ZBTB8OS: variants seen among roughly 807,000 people sequenced by gnomAD.
ZBTB8OS encodes tRNA-splicing ligase-activating factor archease.
A neutral mutation model predicts 29.3 loss-of-function variants in ZBTB8OS; 16 were observed. The ratio of observed to expected loss-of-function variants is 0.55; its 90% CI spans 0.37 to 0.83. The LOEUF is 0.83. Among genes scored for constraint, ZBTB8OS ranks in the 40% least tolerant of loss-of-function variants. The pLI, the probability that ZBTB8OS is intolerant of heterozygous loss-of-function variation, is 0.00. For synonymous variants in ZBTB8OS, 70 were observed against 64.6 expected, an observed-to-expected ratio of 1.08 and a Z score of -0.40; for missense variants, 160 against 196.9, an observed-to-expected ratio of 0.81 and a Z score of 1.12.
At chr1:32,630,424 G>A (rs1413810635) in intron 5 of ZBTB8OS, among the ~76,000 whole-genome samples, 6 of 151,940 alleles carry the variant, frequency 3.9e-5, no homozygotes, top group South Asian at 2.1e-4. Flanking sequence ...ATGGTAGTGC[G>A]CACCTGTAGT....
intron 5 of ZBTB8OS, 126 bp downstream of exon 5, chr1:32,631,701 T>G (rs1307134826): frequency 1.5e-6 from 1 of 670,760 alleles, no homozygotes. Context: ...TCCAAGCCCT[T>G]AGACATCCCA....
chr1:32,642,793 TG>T (rs1646513396), intron 1 of ZBTB8OS, among the ~76,000 whole-genome samples: 12 of 2,108 alleles, frequency 5.7e-3, no homozygotes, highest in African/African-American at 9.8e-3. Context: ...TTTTTTCAAA[TG>T]GAGTTTCCTC....
chr1:32,627,418 G>C, intron 6 of ZBTB8OS, 90 bp downstream of exon 6: 1 of 1,187,304 alleles, frequency 8.4e-7, no homozygotes, highest in South Asian at 1.3e-5. Flanking sequence ...CTTTACACCA[G>C]TTAGAACTAA....
chr1:32,626,081 C>T (rs762667505), intron 6 of ZBTB8OS, among the ~76,000 whole-genome samples: 9 of 152,208 alleles, frequency 5.9e-5, no homozygotes, highest in African/African-American at 9.6e-5. Flanking sequence ...CCACGTTGGC[C>T]GGGCTGGTCT....
Position 32,647,107 on chromosome 1 carries a change from G to C in ZBTB8OS, c.97+3326C>G, listed in dbSNP as rs1646907504. On this transcript the variant is annotated intron_variant, in intron 1 of 6. Transcript: ENST00000468695. ...GTGGTGGCTTACGCCTGTAATCCCA[G>C]CACTTCGGAGGCCGAGGCGGGCGGA... Among the ~76,000 whole-genome samples the C allele has an allele frequency of 3.8e-5, 5 of 131,462 alleles. No homozygotes were observed. The Admixed American group carries it at 4.2e-4, about 11-fold the overall frequency. The allele number at this position is 131,462 out of a possible 152,430, so 86.2% of individuals were successfully genotyped here.
At chr1:32,632,190 G>A in intron 4 of ZBTB8OS, 1 of 172,414 alleles carries the variant, frequency 5.8e-6, no homozygotes, top group Non-Finnish European at 1.2e-5. Flanking sequence ...TGTATTTTTA[G>A]TAGAGACGGG....
chr1:32,638,275 T>A (rs1646143088), intron 1 of ZBTB8OS, among the ~76,000 whole-genome samples: 1 of 135,984 alleles, frequency 7.4e-6, no homozygotes, highest in African/African-American at 2.8e-5. Context: ...TCGCTGCAAC[T>A]TCCACCTCCC....
chr1:32,626,998 GCTACTTTGGTGCTACAACAGAAGCA>G (rs1645174548), intron 6 of ZBTB8OS, among the ~76,000 whole-genome samples: 1 of 152,030 alleles, frequency 6.6e-6, no homozygotes, highest in African/African-American at 2.4e-5. Flanking sequence ...ATTATCTATG[GCTACTTTGGTGCTACAACAGAAGCA>G]CTGAGTAGCT....
intron 1 of ZBTB8OS, among the ~76,000 whole-genome samples, chr1:32,647,759 A>T (rs1646967610): frequency 6.6e-6 from 1 of 152,224 alleles, no homozygotes; most frequent in African/African-American, 2.4e-5. Context: ...ATCTAGTTAC[A>T]AGAAAACAAG....
At chr1:32,650,666 C>A, upstream of ZBTB8OS, 1 of 1,529,114 alleles carries the variant, frequency 6.5e-7, no homozygotes. Flanking sequence ...TGGCTGTTGA[C>A]CTACTTTAGT....
At chr1:32,647,266 CAAAAAAAAAA>C (rs71006348) in intron 1 of ZBTB8OS, among the ~76,000 whole-genome samples, 3 of 134,524 alleles carry the variant, frequency 2.2e-5, no homozygotes, top group Non-Finnish European at 3.1e-5. Flanking sequence ...TACTCTGTCT[CAAAAAAAAAA>C]AAAAAAAAAA....
intron 1 of ZBTB8OS, among the ~76,000 whole-genome samples, chr1:32,649,625 T>TGG (rs1647134222): frequency 1.5e-5 from 2 of 133,772 alleles, no homozygotes; most frequent in Non-Finnish European, 3.1e-5. Context: ...CGAGACCCCA[T>TGG]CTCTAAAAAC....
intron 6 of ZBTB8OS, among the ~76,000 whole-genome samples, chr1:32,625,906 T>C (rs1645095509): frequency 6.6e-6 from 1 of 152,006 alleles, no homozygotes; most frequent in African/African-American, 2.4e-5. Context: ...GTTTTGCTCT[T>C]GTCGCCCAGG....
rs746098983 is a variant in ZBTB8OS, at chr1:32,621,973, A to AC, written c.418-26_418-25insG. 9 of 1,496,866 alleles carry AC rather than the reference A, an allele frequency of 6.0e-6. 1 individual carries two copies. In the East Asian group the frequency reaches 1.6e-4, roughly 27 times the overall value. The allele number at this position is 1,496,866 out of a possible 1,614,324, so 92.7% of individuals were successfully genotyped here. A position where few individuals can be genotyped will look rare whatever the true frequency, so the allele number is the denominator to read the frequency against. On this transcript the variant is annotated intron_variant, in intron 6 of 6. Transcript: ENST00000468695. Reference sequence around the variant, plus strand: ...CCTAAAGTTGGGGTTAGAGAAAAAAAAAAAAAAAAGGAAAATAGGATATTG... The same window carrying AC: ...CCTAAAGTTGGGGTTAGAGAAAAAAACAAAAAAAAAGGAAAATAGGATATTG...
At chr1:32,630,335 C>T (rs968525226) in intron 5 of ZBTB8OS, among the ~76,000 whole-genome samples, 7 of 151,580 alleles carry the variant, frequency 4.6e-5, no homozygotes, top group Non-Finnish European at 7.4e-5. Context: ...GAGGTTGCAG[C>T]GAGCCAAGAC....
intron 1 of ZBTB8OS, among the ~76,000 whole-genome samples, chr1:32,647,675 A>C (rs1416443572): frequency 6.6e-6 from 1 of 152,202 alleles, no homozygotes; most frequent in Non-Finnish European, 1.5e-5. Context: ...TGTGAACTGC[A>C]CATTGAGGGA....
At chr1:32,647,752 T>C (rs934737927) in intron 1 of ZBTB8OS, among the ~76,000 whole-genome samples, 2 of 152,224 alleles carry the variant, frequency 1.3e-5, no homozygotes, top group African/African-American at 2.4e-5. Flanking sequence ...TGGGACCATC[T>C]AGTTACAAGA....
chr1:32,645,031 T>C (rs1646730909), intron 1 of ZBTB8OS, among the ~76,000 whole-genome samples: 1 of 151,356 alleles, frequency 6.6e-6, no homozygotes, highest in South Asian at 2.1e-4. Flanking sequence ...ATACAAAAAT[T>C]AGCTGGGCAT....
chr1:32,632,399 A>G (rs1389043115), intron 4 of ZBTB8OS: 1 of 152,068 alleles, frequency 6.6e-6, no homozygotes, highest in African/African-American at 2.4e-5. Context: ...CAAATGAGAT[A>G]TATATGTATG....
Sources: gnomAD v4.1 joint callset for allele counts (sites outside exome capture counted in the v4.1 genomes callset) on GRCh38, gnomAD v4.1.1 for gene constraint, MANE v1.5 for transcripts, NCBI Gene and HGNC (gene_info 2026-07-23, HGNC 2026-07-21) for gene names.